Variants in EIF4E3 observed in about 807,000 individuals in gnomAD.
EIF4E3 encodes eukaryotic translation initiation factor 4E family member 3, also known as eukaryotic translation initiation factor 4E type 3.
In EIF4E3, 26 loss-of-function variants were observed where a neutral mutation model predicts 31.7. The observed-to-expected ratio is 0.82, with a 90% CI of 0.60 to 1.14. The LOEUF (loss-of-function observed/expected upper bound fraction) is 1.14, where lower values mean the gene tolerates loss of function less well. EIF4E3 is among the 50% of genes most tolerant of loss of function. The pLI is 0.00. For synonymous variants in EIF4E3, 128 were observed against 107.7 expected, an observed-to-expected ratio of 1.19 and a Z score of -1.17; for missense variants, 304 against 270.9, an observed-to-expected ratio of 1.12 and a Z score of -0.86.
At chr3:71,664,142 G>A in the EIF4E3 span, among the ~76,000 whole-genome samples, 1 of 152,160 alleles carries the variant, frequency 6.6e-6, no homozygotes, top group African/African-American at 2.4e-5. Context: ...GCAATGGGGA[G>A]CCACTGCATC....
chr3:71,668,784 T>G, the EIF4E3 span, among the ~76,000 whole-genome samples: 10,367 of 152,264 alleles, frequency 0.068, 805 homozygotes, highest in African/African-American at 0.19. Context: ...GGAACGCTTT[T>G]ACACTGTTGG....
intron 1 of EIF4E3, among the ~76,000 whole-genome samples, chr3:71,750,872 T>G (rs1042402873): frequency 4.0e-5 from 6 of 151,728 alleles, no homozygotes; most frequent in Admixed American, 6.6e-5. Flanking sequence ...CATGCCATTC[T>G]CCTGCCTCAG....
intron 1 of EIF4E3, among the ~76,000 whole-genome samples, chr3:71,749,488 G>T (rs2049905575): frequency 6.6e-6 from 1 of 152,170 alleles, no homozygotes; most frequent in Non-Finnish European, 1.5e-5. Flanking sequence ...CTCTAACTTG[G>T]TGTTTAATGT....
At chr3:71,702,417 G>A (rs1449654941) in intron 2 of EIF4E3, among the ~76,000 whole-genome samples, 1 of 152,154 alleles carries the variant, frequency 6.6e-6, no homozygotes, top group Non-Finnish European at 1.5e-5. Flanking sequence ...CCCGGTCAAA[G>A]TTGTCAAATC....
chr3:71,701,667 G>A (rs1461968080), intron 2 of EIF4E3, among the ~76,000 whole-genome samples: 1 of 152,134 alleles, frequency 6.6e-6, no homozygotes, highest in Non-Finnish European at 1.5e-5. Flanking sequence ...TCACATGGGT[G>A]GAATAGAATT....
chr3:71,710,857 A>C (rs1257711072), intron 1 of EIF4E3, among the ~76,000 whole-genome samples: 5 of 152,352 alleles, frequency 3.3e-5, no homozygotes, highest in Non-Finnish European at 5.9e-5. Flanking sequence ...GACGACAACG[A>C]AAATGCAGTG....
At chr3:71,660,234 G>A in the EIF4E3 span, among the ~76,000 whole-genome samples, 4 of 152,010 alleles carry the variant, frequency 2.6e-5, no homozygotes, top group Admixed American at 1.3e-4. Flanking sequence ...TGTCTGAATC[G>A]GCTGGAGGGA....
rs944957309 is a variant in EIF4E3, at chr3:71,680,195, G to C, written c.*4487C>G. On this transcript the variant is annotated 3_prime_UTR_variant, in exon 7 of 7. Transcript: ENST00000425534. Reference sequence around the variant, plus strand: ...GAATCAGGTCACCTGACAGAGCTTAGGGTTGGGAGGCTTTCCTCATTTGTC... The same window carrying C: ...GAATCAGGTCACCTGACAGAGCTTACGGTTGGGAGGCTTTCCTCATTTGTC... The C allele has an allele frequency of 1.3e-5, 2 of 152,204 alleles. No homozygotes were observed. Among genetic ancestry groups the C allele is most frequent in the African/African-American group, 4.8e-5 (2 of 41,440 alleles). The allele number at this position is 152,204 out of a possible 1,614,324, so 9.4% of individuals were successfully genotyped here. A position where few individuals can be genotyped will look rare whatever the true frequency, so the allele number is the denominator to read the frequency against.
At chr3:71,702,261 G>A (rs980789377) in intron 2 of EIF4E3, among the ~76,000 whole-genome samples, 7 of 152,134 alleles carry the variant, frequency 4.6e-5, no homozygotes, top group African/African-American at 1.4e-4. Flanking sequence ...ACCTGGTTAC[G>A]ATGTGGCAAT....
chr3:71,726,618 G>A (rs2049642332), upstream of EIF4E3, among the ~76,000 whole-genome samples: 1 of 152,204 alleles, frequency 6.6e-6, no homozygotes, highest in South Asian at 2.1e-4. Flanking sequence ...CATTCGCTGG[G>A]ATGGAAGAGC....
At chr3:71,734,155 T>C (rs1230116172) in intron 1 of EIF4E3, among the ~76,000 whole-genome samples, 1 of 152,212 alleles carries the variant, frequency 6.6e-6, no homozygotes, top group Non-Finnish European at 1.5e-5. Context: ...TTTCTTAGTG[T>C]TTGTGGTAAG....
chr3:71,724,530 T>C (rs2049599548), intron 1 of EIF4E3, among the ~76,000 whole-genome samples: 1 of 152,158 alleles, frequency 6.6e-6, no homozygotes, highest in Non-Finnish European at 1.5e-5. Flanking sequence ...GGTTGTCCCT[T>C]GAGAAAGCCA....
rs2048868514 is a variant in EIF4E3 at position 71,675,516 on chromosome 3, T to C, written c.*9166A>G. 2.0e-5 allele frequency: 3 copies of C among 152,208 alleles called. No individual in the cohort carries two copies. Among genetic ancestry groups the C allele is most frequent in the Admixed American group, 2.0e-4 (3 of 15,276 alleles). 9.4% of individuals were successfully genotyped at this position (152,208 alleles called of 1,614,324 possible). A position where few individuals can be genotyped will look rare whatever the true frequency, so the allele number is the denominator to read the frequency against. On this transcript the variant is annotated 3_prime_UTR_variant, in exon 7 of 7. Coordinates refer to ENST00000425534, the MANE Select transcript of EIF4E3 (RefSeq NM_001134651.2). ...TGGTTTTAAGACAAATCTGCTTACA[T>C]GGAGTTGTCGCAAAGAAGCAGGTTA...
At chr3:71,725,933 A>G (rs371576086), upstream of EIF4E3, among the ~76,000 whole-genome samples, 80 of 152,270 alleles carry the variant, frequency 5.3e-4, no homozygotes, top group African/African-American at 1.8e-3. The surrounding 1 kb of genome is among the most constrained non-coding windows in gnomAD (Gnocchi z 6.1). Context: ...ATGGAAGCAC[A>G]GTTGGGTGTG....
At chr3:71,694,944 T>C (rs964839918) in intron 4 of EIF4E3, among the ~76,000 whole-genome samples, 8 of 152,230 alleles carry the variant, frequency 5.3e-5, no homozygotes, top group Non-Finnish European at 7.3e-5. Flanking sequence ...TTCCAAGTGC[T>C]CAATACATAT....
intron 1 of EIF4E3, among the ~76,000 whole-genome samples, chr3:71,746,254 G>A (rs1264052618): frequency 6.6e-6 from 1 of 152,184 alleles, no homozygotes; most frequent in Non-Finnish European, 1.5e-5. Context: ...CTGTCAAACT[G>A]GGGTAGGAGA....
chr3:71,736,609 G>A (rs2049766024), intron 1 of EIF4E3, among the ~76,000 whole-genome samples: 1 of 152,198 alleles, frequency 6.6e-6, no homozygotes, highest in Admixed American at 6.5e-5. Flanking sequence ...GCAAAACTAT[G>A]GAGACAGTTA....
chr3:71,695,500 T>C (rs68021782), intron 4 of EIF4E3, among the ~76,000 whole-genome samples: 12,179 of 152,248 alleles, frequency 0.08, 637 homozygotes, highest in Non-Finnish European at 0.11. Context: ...AAAGTGTTCA[T>C]AGTGAAATTT....
chr3:71,731,907 T>C (rs1313349366), intron 1 of EIF4E3, among the ~76,000 whole-genome samples: 3 of 152,230 alleles, frequency 2.0e-5, no homozygotes, highest in Non-Finnish European at 4.4e-5. Flanking sequence ...TAGAGAGATA[T>C]AATTATACAC....
Sources: gnomAD v4.1 joint callset for allele counts (sites outside exome capture counted in the v4.1 genomes callset) on GRCh38, gnomAD v4.1.1 for gene constraint, Gnocchi (gnomAD v3.1) non-coding constraint, MANE v1.5 for transcripts, NCBI Gene and HGNC (gene_info 2026-07-23, HGNC 2026-07-21) for gene names.